Variants in GABRA3 observed in about 807,000 individuals in gnomAD.
GABRA3 encodes gamma-aminobutyric acid type A receptor subunit alpha3.
Under a neutral mutation model 30.1 loss-of-function variants are expected in GABRA3, and 10 were observed. The ratio of observed to expected loss-of-function variants is 0.33; its 90% CI spans 0.20 to 0.56. The LOEUF (loss-of-function observed/expected upper bound fraction) is 0.56. Among genes scored for constraint, GABRA3 ranks in the 20% least tolerant of loss-of-function variants. The probability of loss-of-function intolerance (pLI) is 0.89; values close to 1 mark genes in which losing one functional copy is unlikely to be tolerated. For synonymous variants in GABRA3, 151 were observed against 146.8 expected (o/e 1.03, Z -0.21); for missense variants, 233 against 392.0 (o/e 0.59, Z 3.42).
At chrX:152,384,306 A>G (rs1450982083) in intron 1 of GABRA3, among the ~76,000 whole-genome samples, 1 of 111,806 alleles carries the variant, frequency 8.9e-6, no homozygotes, top group African/African-American at 3.2e-5. Flanking sequence ...ACCCAAAGTG[A>G]TCTACAGATT....
At chrX:152,324,794 T>A (rs1259076678) in intron 3 of GABRA3, among the ~76,000 whole-genome samples, 1 of 111,724 alleles carries the variant, frequency 9.0e-6, no homozygotes, top group African/African-American at 3.3e-5. Flanking sequence ...TTAATACGGA[T>A]AAATAGAAAT....
intron 1 of GABRA3, among the ~76,000 whole-genome samples, chrX:152,416,060 T>C (rs1024282982): frequency 2.8e-5 from 3 of 108,634 alleles, no homozygotes; most frequent in Admixed American, 9.9e-5. Flanking sequence ...GGTATTCAAT[T>C]AGGAAAAGAG....
intron 1 of GABRA3, chrX:152,389,596 T>G (rs142530266): frequency 2.7e-5 from 3 of 111,462 alleles, no homozygotes; most frequent in African/African-American, 9.8e-5. Context: ...GCAGCCTAAG[T>G]GCAGACAGTA....
At chrX:152,365,087 G>A (rs1928618236) in intron 1 of GABRA3, among the ~76,000 whole-genome samples, 1 of 111,633 alleles carries the variant, frequency 9.0e-6, no homozygotes, top group Admixed American at 9.6e-5. Context: ...TAATATCGTA[G>A]AGAATCCTAC....
chrX:152,213,329 C>A (rs1403145754), intron 6 of GABRA3, among the ~76,000 whole-genome samples: 1 of 111,732 alleles, frequency 8.9e-6, no homozygotes, highest in Non-Finnish European at 1.9e-5. Flanking sequence ...TCTGAGGCCT[C>A]ATCACCTCAT....
intron 2 of GABRA3, among the ~76,000 whole-genome samples, chrX:152,362,892 T>G (rs1352630750): frequency 3.6e-5 from 4 of 111,938 alleles, no homozygotes; most frequent in Non-Finnish European, 5.6e-5. Flanking sequence ...TGTCTGTTTG[T>G]TGTTTGTTTT....
chrX:152,224,704 G>C (rs956876939), intron 6 of GABRA3, 59 bp downstream of exon 6: 8 of 849,519 alleles, frequency 9.4e-6, no homozygotes, highest in Non-Finnish European at 1.4e-5. Flanking sequence ...AATATGTTAA[G>C]TTTCTTTTGG....
Position 152,302,440 on chromosome X carries a change from T to C in GABRA3, c.263-17705A>G, listed in dbSNP as rs186032428. Among the ~76,000 whole-genome samples the C allele has an allele frequency of 1.6e-3, 177 of 111,894 alleles. 1 individual carries two copies. Among genetic ancestry groups the C allele is most frequent in the Non-Finnish European group, 2.8e-3 (149 of 53,189 alleles). ...CTGAAATGCTTGGGGTCAGAAGTGT[T>C]TTGCACTTCAAATTTTTGGATTTTT... On this transcript the variant is annotated intron_variant, in intron 3 of 9. Transcript: ENST00000370314.
chrX:152,225,418 G>GCA (rs752056820), intron 5 of GABRA3, among the ~76,000 whole-genome samples: 6 of 56,051 alleles, frequency 1.1e-4, no homozygotes, highest in African/African-American at 3.3e-4. Flanking sequence ...ACACACACAC[G>GCA]CACACACACA....
intron 1 of GABRA3, among the ~76,000 whole-genome samples, chrX:152,395,742 G>A (rs1056995168): frequency 4.5e-5 from 5 of 111,751 alleles, no homozygotes; most frequent in Admixed American, 9.5e-5. Flanking sequence ...TAGTACAAGA[G>A]CAAAAAGCAA....
chrX:152,199,132 C>G (rs775513225), intron 7 of GABRA3, among the ~76,000 whole-genome samples: 1 of 110,749 alleles, frequency 9.0e-6, no homozygotes. Flanking sequence ...TTTGGGAGGC[C>G]AAGGCGGGCA....
At chrX:152,241,872 G>A (rs1284675010) in intron 5 of GABRA3, among the ~76,000 whole-genome samples, 1 of 111,524 alleles carries the variant, frequency 9.0e-6, no homozygotes, top group Non-Finnish European at 1.9e-5. Context: ...CTCGCACACG[G>A]TGCGCGCACC....
chrX:152,450,395 G>A (rs889534811), intron 1 of GABRA3, among the ~76,000 whole-genome samples: 18 of 105,254 alleles, frequency 1.7e-4, no homozygotes, highest in African/African-American at 6.3e-4. Context: ...ATGGGGTGGG[G>A]TATCTCAATC....
intron 1 of GABRA3, among the ~76,000 whole-genome samples, chrX:152,374,826 G>A (rs922839273): frequency 9.0e-6 from 1 of 111,512 alleles, no homozygotes; most frequent in Non-Finnish European, 1.9e-5. Context: ...TAAGGTATAA[G>A]GAAGGGGTCC....
chrX:152,344,584 G>T (rs774082567), intron 3 of GABRA3, among the ~76,000 whole-genome samples: 3 of 111,695 alleles, frequency 2.7e-5, no homozygotes, highest in Non-Finnish European at 5.6e-5. Context: ...CACAAATTAC[G>T]TATTAATTAT....
chrX:152,385,087 CA>C (rs1256190155), intron 1 of GABRA3, among the ~76,000 whole-genome samples: 7 of 111,054 alleles, frequency 6.3e-5, no homozygotes, highest in African/African-American at 2.3e-4. Flanking sequence ...AATTGATTGA[CA>C]AAAAAATTTA....
At chrX:152,183,247 G>T (rs992476833) in intron 9 of GABRA3, among the ~76,000 whole-genome samples, 8 of 109,973 alleles carry the variant, frequency 7.3e-5, no homozygotes, top group Admixed American at 2.9e-4. Flanking sequence ...TTCATTATTG[G>T]TCTGTTCAGA....
chrX:152,312,566 T>C (rs891855646), intron 3 of GABRA3, among the ~76,000 whole-genome samples: 2 of 112,022 alleles, frequency 1.8e-5, no homozygotes, highest in Non-Finnish European at 3.8e-5. Context: ...ATTCTGGACA[T>C]AGGACCTGGC....
At chrX:152,197,821 C>T in intron 7 of GABRA3, 36 bp from the exon 8 acceptor site, 4 of 1,092,049 alleles carry the variant, frequency 3.7e-6, no homozygotes, top group Non-Finnish European at 5.0e-6. Context: ...TATGTAGCTA[C>T]ATAAACATTG....
Sources: allele counts gnomAD v4.1 joint callset (sites outside exome capture counted in the v4.1 genomes callset), GRCh38; gene constraint gnomAD v4.1.1; transcripts MANE v1.5; gene names NCBI Gene and HGNC (gene_info 2026-07-23, HGNC 2026-07-21).